Variants in FAM107B observed in about 807,000 individuals in gnomAD.
The protein encoded by FAM107B is protein FAM107B.
A neutral mutation model predicts 31.5 loss-of-function variants in FAM107B; 21 were observed. The ratio of observed to expected loss-of-function variants is 0.67; its 90% confidence interval spans 0.47 to 0.96. FAM107B has a LOEUF of 0.96. Among genes scored for constraint, FAM107B ranks in the 40% least tolerant of loss-of-function variants. The pLI, the probability that FAM107B is intolerant of heterozygous loss-of-function variation, is 0.00. For synonymous variants in FAM107B, 157 were observed against 141.5 expected (o/e 1.11, Z -0.78); for missense variants, 452 against 377.1 (o/e 1.20, Z -1.64).
chr10:14,645,436 A>G (rs951461847), intron 2 of FAM107B, among the ~76,000 whole-genome samples: 1 of 152,150 alleles, frequency 6.6e-6, no homozygotes, highest in Non-Finnish European at 1.5e-5. Flanking sequence ...TCGTCTAAGC[A>G]AGCCTGAGAA....
At chr10:14,645,375 G>A (rs893491966) in intron 2 of FAM107B, among the ~76,000 whole-genome samples, 5 of 152,180 alleles carry the variant, frequency 3.3e-5, no homozygotes, top group Non-Finnish European at 7.3e-5. Context: ...GATCCCCAAG[G>A]GCTTGTCACC....
intron 2 of FAM107B, among the ~76,000 whole-genome samples, chr10:14,598,771 T>C (rs1031785187): frequency 6.6e-6 from 1 of 152,200 alleles, no homozygotes; most frequent in African/African-American, 2.4e-5. Flanking sequence ...CATAACAGCA[T>C]AAACACCCCT....
chr10:14,664,773 A>C (rs1379018472), intron 2 of FAM107B, among the ~76,000 whole-genome samples: 1 of 152,234 alleles, frequency 6.6e-6, no homozygotes, highest in Non-Finnish European at 1.5e-5. Context: ...TCTAGCACAT[A>C]GTAGACATTC....
intron 2 of FAM107B, among the ~76,000 whole-genome samples, chr10:14,614,425 C>A (rs1023478077): frequency 1.3e-5 from 2 of 152,106 alleles, no homozygotes; most frequent in Admixed American, 1.3e-4. Flanking sequence ...GTAATCCCAG[C>A]ACTTTGGGAG....
intron 1 of FAM107B, among the ~76,000 whole-genome samples, chr10:14,703,317 CCTTCTT>C (rs1368242442): frequency 6.6e-6 from 1 of 151,470 alleles, no homozygotes; most frequent in Non-Finnish European, 1.5e-5. Flanking sequence ...GTTTCCTTTT[CCTTCTT>C]CTTCTTTTTT....
At chr10:14,698,205 A>G (rs1855313467) in intron 1 of FAM107B, among the ~76,000 whole-genome samples, 1 of 152,238 alleles carries the variant, frequency 6.6e-6, no homozygotes, top group Non-Finnish European at 1.5e-5. Flanking sequence ...ATGAAAACAA[A>G]TCATTCATGC....
At chr10:14,603,994 G>A (rs1483981377) in intron 2 of FAM107B, among the ~76,000 whole-genome samples, 1 of 147,226 alleles carries the variant, frequency 6.8e-6, no homozygotes, top group African/African-American at 2.4e-5. Flanking sequence ...AGCGGCCCCC[G>A]CCTCCGCGGC....
chr10:14,693,730 C>T (rs897311636), intron 1 of FAM107B, among the ~76,000 whole-genome samples: 1 of 152,006 alleles, frequency 6.6e-6, no homozygotes, highest in East Asian at 1.9e-4. Context: ...TACTTTGTAC[C>T]CACTGACCTC....
At chr10:14,637,301 CCTCTT>C (rs1853525037) in intron 2 of FAM107B, among the ~76,000 whole-genome samples, 5 of 152,230 alleles carry the variant, frequency 3.3e-5, no homozygotes, top group Admixed American at 3.3e-4. Flanking sequence ...ATAATATCCT[CCTCTT>C]GAGTGTAGGC....
chr10:14,733,702 A>G (rs1046928103), intron 1 of FAM107B, among the ~76,000 whole-genome samples: 2 of 152,176 alleles, frequency 1.3e-5, no homozygotes, highest in African/African-American at 4.8e-5. Context: ...TATCATTTCC[A>G]TTTAACAAGG....
chr10:14,692,763 G>A (rs1184299097), intron 1 of FAM107B, among the ~76,000 whole-genome samples: 1 of 152,184 alleles, frequency 6.6e-6, no homozygotes, highest in Non-Finnish European at 1.5e-5. Context: ...GCTTCAAATA[G>A]CCCAAGTGTG....
At position 14,520,305 on chromosome 10, in the gene FAM107B, G is replaced by A. The variant is rs979720492; in HGVS notation, c.*885C>T. The A allele has an allele frequency of 6.6e-6, 1 of 152,136 alleles. No homozygotes were observed. Among genetic ancestry groups the A allele is most frequent in the Non-Finnish European group, 1.5e-5 (1 of 68,038 alleles). The allele number at this position is 152,136 out of a possible 1,614,324, so 9.4% of individuals were successfully genotyped here. A position where few individuals can be genotyped will look rare whatever the true frequency, so the allele number is the denominator to read the frequency against. On this transcript the variant is annotated 3_prime_UTR_variant, in exon 5 of 5. Coordinates refer to ENST00000181796, the MANE Select transcript of FAM107B (RefSeq NM_031453.4). ...TGGGAACCTTCCCCACTCTCCTCTTGGAGAAATGAAAAGATGTGGCGGCTT... is the reference window on the plus strand; with the variant it reads ...TGGGAACCTTCCCCACTCTCCTCTTAGAGAAATGAAAAGATGTGGCGGCTT...
At chr10:14,546,298 A>C (rs1848685581) in intron 2 of FAM107B, among the ~76,000 whole-genome samples, 1 of 152,142 alleles carries the variant, frequency 6.6e-6, no homozygotes, top group East Asian at 1.9e-4. Flanking sequence ...TTCACTACCC[A>C]ACACTGCCTC....
intron 2 of FAM107B, among the ~76,000 whole-genome samples, chr10:14,540,977 C>T (rs1319342202): frequency 1.3e-5 from 2 of 152,294 alleles, no homozygotes; most frequent in Non-Finnish European, 2.9e-5. Context: ...GCAACAGAGA[C>T]GACAGCACAC....
At chr10:14,619,545 G>T (rs1852943954) in intron 2 of FAM107B, among the ~76,000 whole-genome samples, 1 of 151,918 alleles carries the variant, frequency 6.6e-6, no homozygotes, top group African/African-American at 2.4e-5. Context: ...TTCTTAATAA[G>T]TTGTAAGAGT....
At chr10:14,622,094 C>T (rs953022490) in intron 2 of FAM107B, among the ~76,000 whole-genome samples, 1 of 152,168 alleles carries the variant, frequency 6.6e-6, no homozygotes, top group African/African-American at 2.4e-5. Flanking sequence ...TCTCCATCAA[C>T]ACATTTAATA....
At chr10:14,745,602 T>C (rs1383553699) in intron 1 of FAM107B, among the ~76,000 whole-genome samples, 1 of 152,184 alleles carries the variant, frequency 6.6e-6, no homozygotes, top group Non-Finnish European at 1.5e-5. Flanking sequence ...TCCATGTAGT[T>C]GTGTGGTTTT....
At chr10:14,711,037 C>G (rs903551677) in intron 1 of FAM107B, among the ~76,000 whole-genome samples, 1 of 152,012 alleles carries the variant, frequency 6.6e-6, no homozygotes, top group Non-Finnish European at 1.5e-5. Context: ...CTCAGCCTCC[C>G]AAGTAGCTGG....
rs1171860115 is a variant in FAM107B at position 14,723,279 on chromosome 10, G to A, written c.411+50974C>T. 1.1e-5 allele frequency: 6 copies of A among 537,398 alleles called. No homozygotes were observed. In the African/African-American group the frequency reaches 1.1e-4, roughly 10 times the overall value. 33.3% of individuals were successfully genotyped at this position (537,398 alleles called of 1,614,324 possible). The stretch of plus-strand genomic sequence containing the variant: ...CTCCAGTCTTCAGTAGGGAACTGCT[G>A]AATAGGCACAGAGGGTATCTGCACA... On this transcript the variant is annotated intron_variant, in intron 1 of 4. Coordinates refer to ENST00000181796, the MANE Select transcript of FAM107B (RefSeq NM_031453.4).
Sources: allele counts gnomAD v4.1 joint callset (sites outside exome capture counted in the v4.1 genomes callset), GRCh38; gene constraint gnomAD v4.1.1; transcripts MANE v1.5; gene names NCBI Gene and HGNC (gene_info 2026-07-23, HGNC 2026-07-21).